The following FOXP1 variants were observed in gnomAD, a reference collection of about 807,000 sequenced individuals.
The protein encoded by FOXP1 is forkhead box P1, also known as forkhead box protein P1.
FOXP1 carries 15 observed loss-of-function variants against 98.2 expected under a neutral mutation model. That is an observed-to-expected ratio of 0.15 (90% CI 0.10 to 0.24). The LOEUF is 0.24. FOXP1 is among the 10% of genes least tolerant of loss of function. The pLI is 1.00. For synonymous variants in FOXP1, 371 were observed against 314.5 expected (o/e 1.18, Z -1.90); for missense variants, 633 against 848.5 (o/e 0.75, Z 3.15).
intron 2 of FOXP1, among the ~76,000 whole-genome samples, chr3:71,538,290 A>G (rs1177611158): frequency 1.3e-5 from 2 of 152,174 alleles, no homozygotes; most frequent in African/African-American, 2.4e-5. Context: ...ACCACCCCCA[A>G]AAGAGATCCT....
chr3:71,079,556 G>A (rs2054190709), intron 7 of FOXP1, among the ~76,000 whole-genome samples: 1 of 152,104 alleles, frequency 6.6e-6, no homozygotes, highest in South Asian at 2.1e-4. Flanking sequence ...GAGAGATATT[G>A]TGATCAGTTT....
intron 4 of FOXP1, among the ~76,000 whole-genome samples, chr3:71,312,063 C>T (rs1486412546): frequency 6.6e-6 from 1 of 152,206 alleles, no homozygotes; most frequent in Non-Finnish European, 1.5e-5. Context: ...AGAAGCCCAA[C>T]TTACAGGCTG....
At chr3:71,142,647 T>C (rs767193181) in intron 6 of FOXP1, among the ~76,000 whole-genome samples, 8 of 152,148 alleles carry the variant, frequency 5.3e-5, no homozygotes, top group Non-Finnish European at 1.2e-4. Flanking sequence ...CAGAAGGAAA[T>C]GGATTCTACC....
chr3:71,198,786 G>C (rs986559753), intron 5 of FOXP1, among the ~76,000 whole-genome samples: 9 of 151,482 alleles, frequency 5.9e-5, no homozygotes, highest in African/African-American at 2.2e-4. Flanking sequence ...TCCACCTCCC[G>C]GGTTCAAGAG....
At chr3:71,218,215 T>C (rs1227917010) in intron 5 of FOXP1, among the ~76,000 whole-genome samples, 2 of 152,244 alleles carry the variant, frequency 1.3e-5, no homozygotes, top group Admixed American at 1.3e-4. Flanking sequence ...TTTAGGAATT[T>C]AGAATATGAT....
intron 4 of FOXP1, chr3:71,335,094 T>C (rs777488043): frequency 2.0e-5 from 3 of 151,906 alleles, no homozygotes; most frequent in Non-Finnish European, 4.4e-5. Flanking sequence ...ACCCCACCTC[T>C]ACAAAAAAAT....
intron 11 of FOXP1, among the ~76,000 whole-genome samples, chr3:71,024,519 C>G (rs1477932888): frequency 6.6e-6 from 1 of 152,182 alleles, no homozygotes; most frequent in Non-Finnish European, 1.5e-5. Flanking sequence ...GGATGGAGTT[C>G]TCTACAAACT....
intron 3 of FOXP1, among the ~76,000 whole-genome samples, chr3:71,392,970 A>G (rs1040695129): frequency 6.6e-6 from 1 of 152,214 alleles, no homozygotes; most frequent in African/African-American, 2.4e-5. Flanking sequence ...ATGGCAAGCC[A>G]CATTCAAACT....
At chr3:71,016,392 G>C (rs1478908270) in intron 11 of FOXP1, among the ~76,000 whole-genome samples, 3 of 152,122 alleles carry the variant, frequency 2.0e-5, no homozygotes, top group Admixed American at 1.3e-4. Flanking sequence ...GGTGCTCGGG[G>C]AAGAGTATCT....
At chr3:71,426,774 C>G (rs1036846258) in intron 3 of FOXP1, among the ~76,000 whole-genome samples, 2 of 152,100 alleles carry the variant, frequency 1.3e-5, no homozygotes, top group African/African-American at 4.8e-5. Context: ...CTTAAAACAT[C>G]AGATGCAGCC....
chr3:71,054,540 G>A (rs2050351005), intron 7 of FOXP1, among the ~76,000 whole-genome samples: 1 of 152,224 alleles, frequency 6.6e-6, no homozygotes, highest in South Asian at 2.1e-4. Flanking sequence ...ACATTAAAAT[G>A]ACAGGCTGTC....
In FOXP1 at chr3:71,027,713, A is replaced by C. The variant is rs190493463; in HGVS notation, c.870-12060T>G. ...AATATTAAGATTTCTGTATACACAT[A>C]TTAATATTAGAACTTGAAAATGTAT... On this transcript the variant is annotated intron_variant, in intron 11 of 20. Transcript: ENST00000649528. Among the ~76,000 whole-genome samples the C allele has an allele frequency of 9.8e-5, 15 of 152,318 alleles. No homozygotes were observed. In the East Asian group the frequency reaches 1.9e-3, roughly 20 times the overall value.
intron 5 of FOXP1, among the ~76,000 whole-genome samples, chr3:71,270,441 T>C (rs563192790): frequency 1.3e-5 from 2 of 152,246 alleles, no homozygotes; most frequent in East Asian, 3.9e-4. Context: ...TTGTTAAAGA[T>C]ACAGGAATGG....
rs558104738 is a variant in FOXP1, at chr3:71,494,041, T to C, written c.-297-486A>G. On this transcript the variant is annotated intron_variant, in intron 2 of 20. Coordinates refer to ENST00000649528, the MANE Select transcript of FOXP1 (RefSeq NM_001349338.3). Reference sequence around the variant, plus strand: ...AGGAAAGGTAATCATCATTTTTTTCTCCAAAATAATTCTATTTTATTCTAA... The same window carrying C: ...AGGAAAGGTAATCATCATTTTTTTCCCCAAAATAATTCTATTTTATTCTAA... Among the ~76,000 whole-genome samples, 16 of 152,310 alleles carry C rather than the reference T, an allele frequency of 1.1e-4. No homozygotes were observed. In the East Asian group the frequency reaches 2.3e-3, roughly 22 times the overall value.
intron 11 of FOXP1, 53 bp downstream of exon 11, chr3:71,041,275 A>G: frequency 6.8e-7 from 1 of 1,467,122 alleles, no homozygotes; most frequent in Non-Finnish European, 9.5e-7. Context: ...AGGGCCACCC[A>G]CCCCTCTCAT....
At chr3:71,407,477 A>T (rs2082431458) in intron 3 of FOXP1, among the ~76,000 whole-genome samples, 1 of 152,160 alleles carries the variant, frequency 6.6e-6, no homozygotes, top group African/African-American at 2.4e-5. Context: ...TTATCTTTTC[A>T]ATTTATTACT....
chr3:71,101,270 G>A (rs1240068105), intron 7 of FOXP1, among the ~76,000 whole-genome samples: 2 of 152,172 alleles, frequency 1.3e-5, no homozygotes, highest in African/African-American at 2.4e-5. Flanking sequence ...TCATGTGAAG[G>A]CGAGCTAAGA....
chr3:70,978,335 A>C (rs914591780), intron 14 of FOXP1, among the ~76,000 whole-genome samples: 1 of 151,958 alleles, frequency 6.6e-6, no homozygotes, highest in Non-Finnish European at 1.5e-5. Context: ...TTTCATTGTG[A>C]TGTCTCACCT....
chr3:71,385,264 A>G (rs1242864228), intron 3 of FOXP1, among the ~76,000 whole-genome samples: 2 of 152,232 alleles, frequency 1.3e-5, no homozygotes, highest in African/African-American at 2.4e-5. Flanking sequence ...CTTATTTCAC[A>G]ATAGAATGGT....
Sources: gnomAD v4.1 joint callset for allele counts (sites outside exome capture counted in the v4.1 genomes callset) on GRCh38, gnomAD v4.1.1 for gene constraint, MANE v1.5 for transcripts, NCBI Gene and HGNC (gene_info 2026-07-23, HGNC 2026-07-21) for gene names.